The following AMBRA1 variants were observed in gnomAD, a reference collection of about 807,000 sequenced individuals.
AMBRA1 encodes autophagy and beclin 1 regulator 1.
In AMBRA1, 47 loss-of-function variants were observed where a neutral mutation model predicts 125.4. The ratio of observed to expected loss-of-function variants is 0.37; its 90% confidence interval spans 0.30 to 0.48. The LOEUF (loss-of-function observed/expected upper bound fraction) is 0.48, where lower values mean the gene tolerates loss of function less well. Ranked by LOEUF, AMBRA1 falls within the 20% of genes least tolerant of loss-of-function variation. The pLI, the probability that AMBRA1 is intolerant of heterozygous loss-of-function variation, is 0.99. For synonymous variants in AMBRA1, 626 were observed against 655.5 expected (o/e 0.95, Z 0.69); for missense variants, 1,331 against 1,693.4 (o/e 0.79, Z 3.76).
intron 1 of AMBRA1, among the ~76,000 whole-genome samples, chr11:46,562,203 T>C (rs1440420921): frequency 6.6e-6 from 1 of 151,894 alleles, no homozygotes; most frequent in African/African-American, 2.4e-5. Context: ...ATAGAAACCT[T>C]GAGAAAAGAG....
At chr11:46,409,234 C>G (rs1946171313) in intron 16 of AMBRA1, among the ~76,000 whole-genome samples, 2 of 150,654 alleles carry the variant, frequency 1.3e-5, no homozygotes, top group Admixed American at 6.6e-5. Context: ...GTGAGACAGT[C>G]TCGCCCTGTC....
chr11:46,442,805 C>T (rs1948084689), intron 12 of AMBRA1, among the ~76,000 whole-genome samples: 1 of 152,194 alleles, frequency 6.6e-6, no homozygotes, highest in Non-Finnish European at 1.5e-5. Flanking sequence ...TAATATCACA[C>T]AGACAAGATA....
chr11:46,587,863 G>A (rs113370226), intron 1 of AMBRA1, among the ~76,000 whole-genome samples: 1 of 152,088 alleles, frequency 6.6e-6, no homozygotes, highest in Non-Finnish European at 1.5e-5. Context: ...ATAGGTAAGG[G>A]TTGAAACACA....
At chr11:46,484,743 A>G (rs1025808184) in intron 11 of AMBRA1, among the ~76,000 whole-genome samples, 2 of 147,860 alleles carry the variant, frequency 1.4e-5, no homozygotes, top group African/African-American at 5.0e-5. Context: ...CGCCTCCCGG[A>G]TTCACATCAT....
At chr11:46,555,130 A>G (rs1457472674) in intron 1 of AMBRA1, among the ~76,000 whole-genome samples, 1 of 152,158 alleles carries the variant, frequency 6.6e-6, no homozygotes, top group Non-Finnish European at 1.5e-5. Context: ...CCATTTCCAC[A>G]CACACATACT....
intron 7 of AMBRA1, among the ~76,000 whole-genome samples, chr11:46,531,531 G>T (rs186399245): frequency 1.3e-5 from 2 of 151,874 alleles, no homozygotes; most frequent in Non-Finnish European, 2.9e-5. Context: ...CCAATATGGC[G>T]AAACCCTGTC....
intron 14 of AMBRA1, among the ~76,000 whole-genome samples, chr11:46,425,070 G>A (rs913120373): frequency 6.6e-6 from 1 of 152,142 alleles, no homozygotes; most frequent in Non-Finnish European, 1.5e-5. Flanking sequence ...GGCGGCAGAG[G>A]TTGCAGTTAG....
chr11:46,511,387 G>T (rs1017136197), intron 8 of AMBRA1, among the ~76,000 whole-genome samples: 6 of 152,114 alleles, frequency 3.9e-5, no homozygotes, highest in African/African-American at 1.4e-4. Context: ...TCTAGGGTGT[G>T]GAAAAGGAAC....
intron 7 of AMBRA1, among the ~76,000 whole-genome samples, chr11:46,517,922 G>A (rs745969409): frequency 1.5e-4 from 23 of 151,314 alleles, no homozygotes; most frequent in Non-Finnish European, 2.5e-4. Flanking sequence ...ACCCATATTC[G>A]TATATATATA....
At chr11:46,486,574 G>A (rs914684666) in intron 11 of AMBRA1, among the ~76,000 whole-genome samples, 1 of 152,164 alleles carries the variant, frequency 6.6e-6, no homozygotes, top group Non-Finnish European at 1.5e-5. Context: ...CCAGGGAAGT[G>A]GGGAACATCT....
chr11:46,512,691 C>G, intron 8 of AMBRA1, 36 bp downstream of exon 8: 1 of 1,588,858 alleles, frequency 6.3e-7, no homozygotes, highest in Non-Finnish European at 8.6e-7. Flanking sequence ...GGCCGCCCCT[C>G]CCCCCACCTA....
At chr11:46,568,133 G>A (rs1359528688) in intron 1 of AMBRA1, among the ~76,000 whole-genome samples, 2 of 150,938 alleles carry the variant, frequency 1.3e-5, no homozygotes, top group African/African-American at 2.4e-5. Context: ...GGGAGACAGA[G>A]TGAGACTCTG....
intron 1 of AMBRA1, among the ~76,000 whole-genome samples, chr11:46,576,073 G>A (rs2043951758): frequency 1.3e-5 from 2 of 152,162 alleles, no homozygotes; most frequent in African/African-American, 2.4e-5. Flanking sequence ...TGTTGGCTTT[G>A]ATCACTATGA....
chr11:46,591,685 T>A (rs565383757), intron 1 of AMBRA1, among the ~76,000 whole-genome samples: 63 of 151,982 alleles, frequency 4.1e-4, no homozygotes, highest in Non-Finnish European at 6.6e-4. Context: ...TAAAACACCA[T>A]CTCTACTAAA....
intron 1 of AMBRA1, among the ~76,000 whole-genome samples, chr11:46,549,276 AATATCTAC>A (rs1386510389): frequency 2.6e-5 from 4 of 152,252 alleles, no homozygotes; most frequent in African/African-American, 9.6e-5. Context: ...ATTTCAAAAG[AATATCTAC>A]ATATATACAG....
intron 17 of AMBRA1, among the ~76,000 whole-genome samples, chr11:46,400,602 C>T (rs985176346): frequency 1.3e-5 from 2 of 149,730 alleles, no homozygotes; most frequent in Non-Finnish European, 3.0e-5. Context: ...GTGATCCACC[C>T]ACCTCAGCCT....
intron 5 of AMBRA1, 21 bp downstream of exon 5, chr11:46,545,583 C>A: frequency 6.2e-7 from 1 of 1,610,510 alleles, no homozygotes; most frequent in Non-Finnish European, 8.5e-7. Context: ...CCAGACAATG[C>A]AGATGGGGCA....
intron 7 of AMBRA1, among the ~76,000 whole-genome samples, chr11:46,535,607 TA>T (rs757733926): frequency 1.3e-5 from 2 of 152,172 alleles, no homozygotes; most frequent in Non-Finnish European, 2.9e-5. Flanking sequence ...TATACCTTCA[TA>T]GAGATTGCAG....
rs536728154 is a variant in AMBRA1 at position 46,553,019 on chromosome 11, C to T, written c.-120-4519G>A. ...GCAGTGCAGTGGGGCGATCTCGGCT[C>T]ACTGCAACCTCTGCCTCCTGGGTTC... is the stretch of plus-strand genomic sequence containing the variant. On this transcript the variant is annotated intron_variant, in intron 1 of 17. Coordinates refer to ENST00000683756, the MANE Select transcript of AMBRA1 (RefSeq NM_001387011.1). Among the ~76,000 whole-genome samples, 14 of 152,076 alleles carry T rather than the reference C, an allele frequency of 9.2e-5. No individual in the cohort carries two copies. In the South Asian group the frequency reaches 1.9e-3, roughly 20 times the overall value.
Sources: allele counts gnomAD v4.1 joint callset (sites outside exome capture counted in the v4.1 genomes callset), GRCh38; gene constraint gnomAD v4.1.1; transcripts MANE v1.5; gene names NCBI Gene and HGNC (gene_info 2026-07-23, HGNC 2026-07-21).